The following ESRRG variants were observed in gnomAD, a reference collection of about 807,000 sequenced individuals.
The protein encoded by ESRRG is estrogen related receptor gamma, also known as estrogen-related receptor gamma.
In ESRRG, 13 loss-of-function variants were observed where a neutral mutation model predicts 44.0. The observed-to-expected ratio is 0.30, with a 90% confidence interval of 0.19 to 0.47. The LOEUF (loss-of-function observed/expected upper bound fraction) is 0.47, where lower values mean the gene tolerates loss of function less well. Among genes scored for constraint, ESRRG ranks in the 20% least tolerant of loss-of-function variants. The pLI, the probability that ESRRG is intolerant of heterozygous loss-of-function variation, is 1.00. For missense variants in ESRRG, 395 were observed against 580.6 expected (o/e 0.68, Z 3.29); for synonymous variants, 215 against 214.6 (o/e 1.00, Z -0.02).
chr1:216,829,220 C>T (rs939688222), intron 2 of ESRRG, among the ~76,000 whole-genome samples: 1 of 152,102 alleles, frequency 6.6e-6, no homozygotes, highest in Admixed American at 6.6e-5. Context: ...AGCACCAGAG[C>T]TCCTGACACA....
intron 3 of ESRRG, among the ~76,000 whole-genome samples, chr1:216,600,444 G>A (rs2059046032): frequency 6.6e-6 from 1 of 152,102 alleles, no homozygotes; most frequent in Non-Finnish European, 1.5e-5. Flanking sequence ...ATGAAGGGGG[G>A]CGGGTCAGGG....
chr1:216,866,862 A>C (rs2096173903), intron 2 of ESRRG, among the ~76,000 whole-genome samples: 1 of 152,164 alleles, frequency 6.6e-6, no homozygotes, highest in African/African-American at 2.4e-5. Context: ...GTGGGTTTTC[A>C]AACTTAAAAA....
At chr1:216,583,876 T>C (rs564600484) in intron 3 of ESRRG, among the ~76,000 whole-genome samples, 92 of 152,264 alleles carry the variant, frequency 6.0e-4, no homozygotes, top group Non-Finnish European at 7.1e-4. Flanking sequence ...AACTCCTCTT[T>C]TTAAAAACCA....
At chr1:217,096,761 T>G (rs1412620337) in intron 1 of ESRRG, among the ~76,000 whole-genome samples, 1 of 152,222 alleles carries the variant, frequency 6.6e-6, no homozygotes, top group South Asian at 2.1e-4. Context: ...TATGCTTTAA[T>G]TATTATTAAT....
intron 1 of ESRRG, among the ~76,000 whole-genome samples, chr1:216,997,294 C>A (rs2076486455): frequency 6.6e-6 from 1 of 152,182 alleles, no homozygotes; most frequent in Admixed American, 6.5e-5. Flanking sequence ...AACACTTGGC[C>A]TCTCAAGAGC....
intron 3 of ESRRG, among the ~76,000 whole-genome samples, chr1:216,627,409 G>C (rs898957825): frequency 3.9e-5 from 6 of 152,032 alleles, no homozygotes; most frequent in Admixed American, 1.3e-4. Context: ...TGAGATGCCA[G>C]CTCGGCTTCC....
intron 1 of ESRRG, among the ~76,000 whole-genome samples, chr1:217,016,922 GA>G (rs2079472651): frequency 6.6e-6 from 1 of 152,068 alleles, no homozygotes; most frequent in African/African-American, 2.4e-5. Flanking sequence ...TGCAATACAG[GA>G]AAATTGAAAA....
At chr1:216,840,164 A>G (rs1033230587) in intron 2 of ESRRG, among the ~76,000 whole-genome samples, 1 of 152,212 alleles carries the variant, frequency 6.6e-6, no homozygotes, top group African/African-American at 2.4e-5. Context: ...TGTTTGCTGT[A>G]GCCACCTTCA....
chr1:216,673,125 G>C (rs903614349), intron 2 of ESRRG, among the ~76,000 whole-genome samples: 14 of 152,052 alleles, frequency 9.2e-5, no homozygotes, highest in African/African-American at 3.4e-4. Context: ...ATCTGTTAAG[G>C]GTGGTTTGGC....
chr1:216,817,451 C>T (rs1195721920), intron 2 of ESRRG, among the ~76,000 whole-genome samples: 1 of 152,110 alleles, frequency 6.6e-6, no homozygotes, highest in Non-Finnish European at 1.5e-5. Flanking sequence ...TATAGGTCTT[C>T]TAATAACAAC....
rs1041180536 is a variant in ESRRG, at chr1:216,925,854, G to T, written c.-14+13728C>A. Among the ~76,000 whole-genome samples the T allele has an allele frequency of 9.9e-5, 15 of 152,160 alleles. No individual in the cohort carries two copies. In the East Asian group the frequency reaches 2.7e-3, roughly 28 times the overall value. ...AATCCCAGCTACTTGGGAGGCTGAG[G>T]CAGGAGAATCACTTGAACCCGGGGG... is the stretch of plus-strand genomic sequence containing the variant. On this transcript the variant is annotated intron_variant, in intron 2 of 7. Coordinates refer to the ESRRG transcript ENST00000359162.
intron 2 of ESRRG, among the ~76,000 whole-genome samples, chr1:216,657,111 T>C (rs1404463474): frequency 6.6e-6 from 1 of 152,204 alleles, no homozygotes; most frequent in African/African-American, 2.4e-5. Context: ...CTTTCCTTTT[T>C]TTCTTTGTTT....
chr1:216,923,445 G>A (rs928471631), intron 2 of ESRRG, among the ~76,000 whole-genome samples: 2 of 151,984 alleles, frequency 1.3e-5, no homozygotes, highest in African/African-American at 4.8e-5. Context: ...ACCAAAAATC[G>A]GGACTTTTCT....
intron 2 of ESRRG, among the ~76,000 whole-genome samples, chr1:216,819,706 T>C (rs1045702420): frequency 6.6e-6 from 1 of 152,176 alleles, no homozygotes; most frequent in Admixed American, 6.5e-5. Flanking sequence ...TTCAGTGTTT[T>C]TCAGTTCACT....
At chr1:216,588,987 C>A (rs547898854) in intron 3 of ESRRG, among the ~76,000 whole-genome samples, 1 of 152,078 alleles carries the variant, frequency 6.6e-6, no homozygotes, top group East Asian at 1.9e-4. Context: ...AAGATGAAGT[C>A]AAAGCAAATG....
intron 2 of ESRRG, among the ~76,000 whole-genome samples, chr1:216,914,575 C>A (rs1254703361): frequency 6.6e-6 from 1 of 152,168 alleles, no homozygotes; most frequent in Non-Finnish European, 1.5e-5. Context: ...GTCCAATTGT[C>A]TGCTGACATT....
intron 1 of ESRRG, among the ~76,000 whole-genome samples, chr1:217,029,930 A>G (rs1002729767): frequency 1.3e-5 from 2 of 152,206 alleles, no homozygotes; most frequent in African/African-American, 4.8e-5. Flanking sequence ...CTTTGATGAC[A>G]CAACTAATAT....
At chr1:216,781,673 T>C (rs2093940955) in intron 2 of ESRRG, among the ~76,000 whole-genome samples, 1 of 152,032 alleles carries the variant, frequency 6.6e-6, no homozygotes, top group Admixed American at 6.6e-5. Context: ...CGCCTTTACA[T>C]GAGCAAATGG....
At chr1:216,864,110 C>A (rs1389502522) in intron 2 of ESRRG, 1 of 151,234 alleles carries the variant, frequency 6.6e-6, no homozygotes, top group Non-Finnish European at 1.5e-5. Context: ...TGTAAATATA[C>A]AACATACACT....
Sources: gnomAD v4.1 joint callset for allele counts (sites outside exome capture counted in the v4.1 genomes callset) on GRCh38, gnomAD v4.1.1 for gene constraint, MANE v1.5 for transcripts, NCBI Gene and HGNC (gene_info 2026-07-23, HGNC 2026-07-21) for gene names.